Variants in DRAM1 observed in about 807,000 individuals in gnomAD.
DRAM1 encodes the protein DNA damage-regulated autophagy modulator protein 1.
Under a neutral mutation model 28.5 loss-of-function variants are expected in DRAM1, and 25 were observed. That is an observed-to-expected ratio of 0.88 (90% CI 0.64 to 1.23). The LOEUF (loss-of-function observed/expected upper bound fraction) is 1.23, where lower values mean the gene tolerates loss of function less well. Ranked by LOEUF, DRAM1 falls within the 50% of genes most tolerant of loss-of-function variation. The pLI is 0.00. For synonymous variants in DRAM1, 113 were observed against 114.2 expected (o/e 0.99, Z 0.07); for missense variants, 249 against 299.2 (o/e 0.83, Z 1.24).
chr12:101,913,472 G>A (rs1180037565), intron 4 of DRAM1, among the ~76,000 whole-genome samples: 2 of 151,972 alleles, frequency 1.3e-5, no homozygotes, highest in African/African-American at 4.8e-5. Context: ...TTGGGAGGCC[G>A]AGGTGGGCAG....
intron 4 of DRAM1, 44 bp downstream of exon 4, chr12:101,908,407 T>C (rs768273378): frequency 3.9e-6 from 6 of 1,557,780 alleles, no homozygotes; most frequent in Non-Finnish European, 5.2e-6. Context: ...AATAAAACAT[T>C]CAGTGACACT....
At chr12:101,917,294 A>G (rs901338851) in intron 5 of DRAM1, among the ~76,000 whole-genome samples, 2 of 152,210 alleles carry the variant, frequency 1.3e-5, no homozygotes, top group Non-Finnish European at 2.9e-5. Flanking sequence ...AGACAGCAGG[A>G]TTTCCCAATA....
At chr12:101,878,067 T>G in intron 1 of DRAM1, 147 bp downstream of exon 1, 1 of 1,152,090 alleles carries the variant, frequency 8.7e-7, no homozygotes. Flanking sequence ...GTGCTCCCGA[T>G]AGCCTGGGAT....
chr12:101,918,886 T>A (rs1209090828), intron 5 of DRAM1, among the ~76,000 whole-genome samples: 1 of 152,082 alleles, frequency 6.6e-6, no homozygotes, highest in Non-Finnish European at 1.5e-5. Flanking sequence ...CAGACATGCA[T>A]ATTTGACTCA....
chr12:101,918,916 T>TTTA (rs762539836), intron 5 of DRAM1, among the ~76,000 whole-genome samples: 54 of 151,864 alleles, frequency 3.6e-4, no homozygotes, highest in East Asian at 7.7e-4. Flanking sequence ...TTATTTTTAT[T>TTTA]TTATTATTAT....
In DRAM1 at chr12:101,920,140, G is replaced by C. The variant is rs1485123104; in HGVS notation, c.611G>C (p.Cys204Ser). 1.2e-6 allele frequency: 2 copies of C among 1,611,936 alleles called. No individual in the cohort carries two copies. Among genetic ancestry groups the C allele is most frequent in the Non-Finnish European group, 8.5e-7 (1 of 1,179,284 alleles). ...GTATATCACGTAGTGAGTGCGATCT[G>C]TGAATGGACAGTGGCCTTTGGTTTT... ...DYVYHVVSAI[C>S]EWTVAFGFIF... Residue 204 changes from cysteine to serine, a missense_variant, in exon 6 of 7, where the codon TGT (cysteine) becomes TCT (serine). By Grantham distance (112) the Cys-to-Ser change is moderately radical (BLOSUM62 -1). Coordinates refer to ENST00000258534, the MANE Select transcript of DRAM1 (RefSeq NM_018370.3).
rs563617505 is a variant in DRAM1, at chr12:101,923,151, G to A, written c.*1891G>A. 9 of 152,258 alleles carry A rather than the reference G, an allele frequency of 5.9e-5. No homozygotes were observed. Among genetic ancestry groups the A allele is most frequent in the African/African-American group, 1.9e-4 (8 of 41,530 alleles). The allele number at this position is 152,258 out of a possible 1,614,324, so 9.4% of individuals were successfully genotyped here. On this transcript the variant is annotated 3_prime_UTR_variant, in exon 7 of 7. Coordinates refer to ENST00000258534, the MANE Select transcript of DRAM1 (RefSeq NM_018370.3). Reference sequence around the variant, plus strand: ...TGCTAATCATTTCTGGGTTCACTGCGACTCACTGTAGTGCTGGGGATCCCC... The same window carrying A: ...TGCTAATCATTTCTGGGTTCACTGCAACTCACTGTAGTGCTGGGGATCCCC...
At position 101,921,574 on chromosome 12, in the gene DRAM1, C is replaced by T. The variant is rs952297307; in HGVS notation, c.*314C>T. 19 of 206,054 alleles carry T rather than the reference C, an allele frequency of 9.2e-5. No individual in the cohort carries two copies. In the East Asian group the frequency reaches 2.0e-3, roughly 22 times the overall value. 12.8% of individuals were successfully genotyped at this position (206,054 alleles called of 1,614,324 possible). A position where few individuals can be genotyped will look rare whatever the true frequency, so the allele number is the denominator to read the frequency against. On this transcript the variant is annotated 3_prime_UTR_variant, in exon 7 of 7. Transcript: ENST00000258534. ...GCTCTTATTTTTGTACAGATTCTGTCGTTTTTGTTTTATTTGTGTGAGATT... is the reference window on the plus strand; with the variant it reads ...GCTCTTATTTTTGTACAGATTCTGTTGTTTTTGTTTTATTTGTGTGAGATT...
intron 1 of DRAM1, among the ~76,000 whole-genome samples, chr12:101,881,950 A>G (rs1052471468): frequency 2.0e-4 from 31 of 152,160 alleles, no homozygotes; most frequent in African/African-American, 5.3e-4. Context: ...CTGAATGACT[A>G]TTTCTTGGGT....
chr12:101,905,151 C>T (rs566603534), intron 3 of DRAM1, among the ~76,000 whole-genome samples: 13 of 152,300 alleles, frequency 8.5e-5, no homozygotes, highest in African/African-American at 3.1e-4. Context: ...CCTCCCATCT[C>T]CACCTCCCAA....
At position 101,877,783 on chromosome 12, in the gene DRAM1, C is replaced by A; in HGVS notation, c.-7C>A. On this transcript the variant is annotated 5_prime_UTR_variant, in exon 1 of 7. Coordinates refer to ENST00000258534, the MANE Select transcript of DRAM1 (RefSeq NM_018370.3). This position sits in a 1 kb window ranked among gnomAD's most constrained non-coding sequence, Gnocchi z 4.1. ...CGCAGCACTCCGTCGGCGGCGGCGG[C>A]GGCGCGATGCTGTGCTTCCTGAGGG... 6.7e-7 allele frequency: 1 copy of A among 1,487,918 alleles called. No individual in the cohort carries two copies. Among genetic ancestry groups the A allele is most frequent in the Non-Finnish European group, 9.0e-7 (1 of 1,115,142 alleles). 92.2% of individuals were successfully genotyped at this position (1,487,918 alleles called of 1,614,324 possible).
At chr12:101,882,236 G>A (rs1011639205) in intron 1 of DRAM1, among the ~76,000 whole-genome samples, 3 of 147,956 alleles carry the variant, frequency 2.0e-5, no homozygotes, top group Admixed American at 6.7e-5. Context: ...AGCCTCCCGA[G>A]TAGCTGGGAC....
intron 4 of DRAM1, among the ~76,000 whole-genome samples, chr12:101,910,468 AT>A (rs1873996648): frequency 6.7e-6 from 1 of 149,604 alleles, no homozygotes; most frequent in Non-Finnish European, 1.5e-5. Context: ...AATAATTCTC[AT>A]TTCTAGAAAG....
At chr12:101,902,554 A>G (rs1017345418) in intron 3 of DRAM1, among the ~76,000 whole-genome samples, 1 of 152,238 alleles carries the variant, frequency 6.6e-6, no homozygotes, top group African/African-American at 2.4e-5. Context: ...TTATGGTTTA[A>G]TGGGGGCTAG....
At chr12:101,895,577 T>A (rs1306633039) in intron 1 of DRAM1, among the ~76,000 whole-genome samples, 1 of 143,376 alleles carries the variant, frequency 7.0e-6, no homozygotes, top group African/African-American at 2.7e-5. Flanking sequence ...TTTTTTTTTT[T>A]TTTTTTTTTT....
intron 1 of DRAM1, among the ~76,000 whole-genome samples, chr12:101,881,031 C>T (rs975328753): frequency 1.3e-4 from 20 of 152,210 alleles, no homozygotes; most frequent in South Asian, 4.2e-4. Context: ...TGCCCCTGCC[C>T]GCTCCTAGAA....
At chr12:101,910,879 C>G (rs1002665064) in intron 4 of DRAM1, among the ~76,000 whole-genome samples, 1 of 152,108 alleles carries the variant, frequency 6.6e-6, no homozygotes, top group Non-Finnish European at 1.5e-5. Flanking sequence ...TTCATCCACA[C>G]GAAAAGATCT....
intron 1 of DRAM1, among the ~76,000 whole-genome samples, chr12:101,895,191 T>TTTTTTTTTTGTTTTTTTTTTG (rs1566123823): frequency 5.7e-5 from 7 of 121,890 alleles, no homozygotes; most frequent in Non-Finnish European, 1.2e-4. Context: ...TTCAGGTTTT[T>TTTTTTTTTTGTTTTTTTTTTG]TTTTTTTTTT....
At chr12:101,919,972 T>C (rs1228655257) in intron 5 of DRAM1, 137 bp from the exon 6 acceptor site, 2 of 488,692 alleles carry the variant, frequency 4.1e-6, no homozygotes, top group Non-Finnish European at 7.0e-6. Context: ...TGGTTGTGCT[T>C]ACCGTATATC....
Sources: allele counts gnomAD v4.1 joint callset (sites outside exome capture counted in the v4.1 genomes callset), GRCh38; gene constraint gnomAD v4.1.1; non-coding constraint Gnocchi (gnomAD v3.1); transcripts MANE v1.5; gene names NCBI Gene and HGNC (gene_info 2026-07-23, HGNC 2026-07-21).